Variants in FHIT observed in about 807,000 individuals in gnomAD.
FHIT encodes the protein bis(5'-adenosyl)-triphosphatase.
In FHIT, 19 loss-of-function variants were observed where a neutral mutation model predicts 17.9. The ratio of observed to expected loss-of-function variants is 1.06; its 90% confidence interval spans 0.74 to 1.56. FHIT has a LOEUF of 1.56. FHIT is among the 40% of genes most tolerant of loss of function. The pLI is 0.00. For missense variants in FHIT, 248 were observed against 189.2 expected, an observed-to-expected ratio of 1.31 and a Z score of -1.82; for synonymous variants, 81 against 69.7, an observed-to-expected ratio of 1.16 and a Z score of -0.81.
intron 5 of FHIT, among the ~76,000 whole-genome samples, chr3:60,137,012 G>C (rs1400500605): frequency 6.6e-6 from 1 of 152,080 alleles, no homozygotes; most frequent in Non-Finnish European, 1.5e-5. Context: ...TTTTATGATA[G>C]TGTCCTTTTG....
intron 5 of FHIT, among the ~76,000 whole-genome samples, chr3:60,421,696 T>G (rs1702474221): frequency 6.6e-6 from 1 of 152,136 alleles, no homozygotes; most frequent in African/African-American, 2.4e-5. Flanking sequence ...AGGTTTGACC[T>G]TAACTTTCTC....
chr3:60,328,176 GGA>G (rs142113817), intron 5 of FHIT, among the ~76,000 whole-genome samples: 130,416 of 148,920 alleles, frequency 0.88, 55,972 homozygotes, highest in East Asian at 0.98. Flanking sequence ...TGGAAAAGTT[GGA>G]AAGGGCAGGC....
At chr3:60,123,907 T>C in intron 5 of FHIT, among the ~76,000 whole-genome samples, 1 of 146,632 alleles carries the variant, frequency 6.8e-6, no homozygotes, top group Non-Finnish European at 1.5e-5. Flanking sequence ...CATGAGTATA[T>C]TCCTATCCAC....
intron 5 of FHIT, among the ~76,000 whole-genome samples, chr3:60,468,568 T>C (rs2107439657): frequency 6.6e-6 from 1 of 152,174 alleles, no homozygotes; most frequent in South Asian, 2.1e-4. Context: ...ATTAAACTAA[T>C]AAAAACACTA....
chr3:60,722,309 A>G (rs1009503552), intron 4 of FHIT, among the ~76,000 whole-genome samples: 1 of 152,248 alleles, frequency 6.6e-6, no homozygotes, highest in Non-Finnish European at 1.5e-5. Flanking sequence ...TGCAGAATGC[A>G]TGGAGAATTT....
chr3:60,891,023 G>A lies in FHIT; in HGVS notation c.-110-69012C>T, dbSNP rs553224918. 7.0e-4 allele frequency among the ~76,000 whole-genome samples: 107 copies of A among 152,300 alleles called. No individual in the cohort carries two copies. In the East Asian group the frequency reaches 0.017, roughly 24 times the overall value. On this transcript the variant is annotated intron_variant, in intron 3 of 9. Transcript: ENST00000492590. Reference sequence around the variant, plus strand: ...TAAAGCTTTTTAATTTCTGCTTAGTGGTATTAGGATTTAATTGATGCCAAA... The same window carrying A: ...TAAAGCTTTTTAATTTCTGCTTAGTAGTATTAGGATTTAATTGATGCCAAA...
At chr3:60,453,167 A>G (rs751246081) in intron 5 of FHIT, among the ~76,000 whole-genome samples, 10 of 151,614 alleles carry the variant, frequency 6.6e-5, no homozygotes, top group Non-Finnish European at 1.2e-4. Flanking sequence ...CGCTGTCATG[A>G]ACAGTTTAAT....
At chr3:60,327,721 A>T (rs1709767313) in intron 5 of FHIT, among the ~76,000 whole-genome samples, 3 of 152,216 alleles carry the variant, frequency 2.0e-5, no homozygotes, top group African/African-American at 7.2e-5. Flanking sequence ...AGAATGGGTA[A>T]GTAAAACATA....
intron 2 of FHIT, among the ~76,000 whole-genome samples, chr3:61,086,804 A>G (rs766542582): frequency 1.8e-4 from 27 of 152,142 alleles, no homozygotes; most frequent in Middle Eastern, 3.2e-3. Flanking sequence ...GTCATCATAT[A>G]AACTAAATCA....
intron 5 of FHIT, among the ~76,000 whole-genome samples, chr3:60,324,419 C>A (rs934483336): frequency 6.6e-6 from 1 of 151,940 alleles, no homozygotes. Flanking sequence ...CCTGTCTCTA[C>A]TAAAAATACA....
chr3:60,009,860 T>C (rs1304585616), intron 7 of FHIT, among the ~76,000 whole-genome samples: 1 of 152,206 alleles, frequency 6.6e-6, no homozygotes, highest in South Asian at 2.1e-4. Flanking sequence ...GCCTGTTGCA[T>C]AGCAAATATT....
chr3:60,514,642 T>TA (rs2035082048), intron 5 of FHIT, among the ~76,000 whole-genome samples: 1 of 152,086 alleles, frequency 6.6e-6, no homozygotes, highest in African/African-American at 2.4e-5. Context: ...TCCCAGAACT[T>TA]AAAGTTTTAA....
intron 7 of FHIT, among the ~76,000 whole-genome samples, chr3:59,974,897 A>G (rs1400472470): frequency 2.0e-5 from 3 of 152,162 alleles, no homozygotes; most frequent in Admixed American, 6.5e-5. Flanking sequence ...CAACAAAAGC[A>G]GGTTGCATTC....
intron 5 of FHIT, among the ~76,000 whole-genome samples, chr3:60,269,864 C>A (rs570106960): frequency 1.3e-4 from 20 of 152,256 alleles, no homozygotes; most frequent in Admixed American, 6.5e-5. Context: ...CATTTCGGTT[C>A]ATAAAAAATG....
chr3:60,118,808 G>A (rs1283469703), intron 5 of FHIT, among the ~76,000 whole-genome samples: 2 of 148,654 alleles, frequency 1.3e-5, no homozygotes, highest in East Asian at 2.1e-4. Flanking sequence ...CCTGAAGTCA[G>A]GAGTTTGAGA....
rs150872993 is a variant in FHIT, at chr3:60,581,242, A to G, written c.-17-44263T>C. The stretch of plus-strand genomic sequence containing the variant: ...TCATCCTCCCCCACAAAAGGTAGTT[A>G]GAAGTTTTCAGGTAAGAAAATGGAG... On this transcript the variant is annotated intron_variant, in intron 4 of 9. Transcript: ENST00000492590. Among the ~76,000 whole-genome samples the G allele has an allele frequency of 3.3e-5, 5 of 152,306 alleles. No homozygotes were observed. In the East Asian group the frequency reaches 9.6e-4, roughly 29 times the overall value.
intron 4 of FHIT, among the ~76,000 whole-genome samples, chr3:60,812,163 G>A (rs56227671): frequency 0.076 from 11,312 of 148,988 alleles, 472 homozygotes; most frequent in Non-Finnish European, 0.084. Context: ...ATGTCTATTG[G>A]AAATACAGAC....
chr3:59,825,174 A>G (rs982694374), intron 8 of FHIT, among the ~76,000 whole-genome samples: 3 of 152,158 alleles, frequency 2.0e-5, no homozygotes, highest in African/African-American at 7.2e-5. Context: ...TTCTTTTTCA[A>G]TAGTGCATAA....
chr3:60,078,255 A>T (rs1192291395), intron 5 of FHIT, among the ~76,000 whole-genome samples: 1 of 152,136 alleles, frequency 6.6e-6, no homozygotes, highest in Non-Finnish European at 1.5e-5. Flanking sequence ...AACCTGGTAG[A>T]CACCACACCA....
Sources: allele counts gnomAD v4.1 joint callset (sites outside exome capture counted in the v4.1 genomes callset), GRCh38; gene constraint gnomAD v4.1.1; transcripts MANE v1.5; gene names NCBI Gene and HGNC (gene_info 2026-07-23, HGNC 2026-07-21).